Variants in LCORL observed in about 807,000 individuals in gnomAD.
LCORL encodes the protein ligand dependent nuclear receptor corepressor like.
LCORL carries 41 observed loss-of-function variants against 141.8 expected under a neutral mutation model. That is an observed-to-expected ratio of 0.29 (90% confidence interval 0.23 to 0.38). LCORL has a LOEUF of 0.38. LCORL is among the 10% of genes least tolerant of loss of function. The pLI, the probability that LCORL is intolerant of heterozygous loss-of-function variation, is 1.00. For missense variants in LCORL, 1,759 were observed against 2,035.0 expected, an observed-to-expected ratio of 0.86 and a Z score of 2.61; for synonymous variants, 618 against 694.1, an observed-to-expected ratio of 0.89 and a Z score of 1.72.
chr4:18,012,312 G>C (rs982116214), intron 1 of LCORL, among the ~76,000 whole-genome samples: 6 of 152,208 alleles, frequency 3.9e-5, no homozygotes, highest in African/African-American at 7.2e-5. Flanking sequence ...TGTATTTTAA[G>C]ACGCCTGCAG....
chr4:17,845,558 T>TA (rs3214284), exon 8 of LCORL: 126 of 454,708 alleles, frequency 2.8e-4, no homozygotes, highest in East Asian at 1.7e-3. Context: ...GTAAAACATG[T>TA]AAAAAAAACA....
intron 4 of LCORL, among the ~76,000 whole-genome samples, chr4:17,937,164 T>C (rs1209359413): frequency 1.3e-5 from 2 of 152,204 alleles, no homozygotes; most frequent in Non-Finnish European, 2.9e-5. Context: ...AAAATAACAC[T>C]GCTCTGGGTT....
At position 17,884,209 on chromosome 4, in the gene LCORL, G is replaced by C. The variant is rs753356276; in HGVS notation, c.776+1859C>G. The C allele has an allele frequency of 3.2e-6, 5 of 1,549,690 alleles. No homozygotes were observed. Among genetic ancestry groups the C allele is most frequent in the Non-Finnish European group, 4.4e-6 (5 of 1,146,060 alleles). ...ATCCTTCTAGGACTGAAGAGGTTTT[G>C]GAAACTTGATACATAACATCCAACA... On this transcript the variant is annotated intron_variant, in intron 6 of 7. Transcript: ENST00000635767. This position sits in a 1 kb window ranked among gnomAD's most constrained non-coding sequence, Gnocchi z 4.4.
At chr4:17,925,876 C>A (rs1735040136) in intron 4 of LCORL, among the ~76,000 whole-genome samples, 1 of 55,830 alleles carries the variant, frequency 1.8e-5, no homozygotes. Flanking sequence ...GAGATTCCAT[C>A]TCAAAAAAAA....
In LCORL at chr4:18,021,656, C is replaced by T; in HGVS notation, c.96G>A (p.Glu32=). Residue 32 remains glutamate (E), a synonymous_variant, in exon 1 of 8, where the codon GAG becomes GAA. Coordinates refer to ENST00000635767, the Ensembl canonical transcript of LCORL. The surrounding 1 kb of genome is among the most constrained non-coding windows in gnomAD (Gnocchi z 5.5). The stretch of plus-strand genomic sequence containing the variant: ...CGAGTTCCCGCCGGAATCCTCTTCT[C>T]TCCGCCGCGCACCGAGGGCTCCGGC... 1 of 1,546,106 alleles carries T rather than the reference C, an allele frequency of 6.5e-7. No homozygotes were observed.
chr4:17,982,099 C>CGTGTGTGTGT (rs57094203), intron 1 of LCORL, among the ~76,000 whole-genome samples: 2,167 of 136,518 alleles, frequency 0.016, 36 homozygotes, highest in East Asian at 0.038. Flanking sequence ...AGTATTCCAT[C>CGTGTGTGTGT]GTGTGTGTGT....
chr4:17,912,775 C>G (rs147126326), intron 4 of LCORL: 38 of 419,150 alleles, frequency 9.1e-5, no homozygotes, highest in African/African-American at 6.4e-4. Flanking sequence ...AGCACCAGGC[C>G]CAGGAGTACG....
At chr4:18,019,782 T>G (rs1397795413) in intron 1 of LCORL, among the ~76,000 whole-genome samples, 3 of 152,214 alleles carry the variant, frequency 2.0e-5, no homozygotes, top group African/African-American at 7.2e-5. Flanking sequence ...CATAAGCCAG[T>G]GTTGCAATGC....
chr4:17,926,437 C>T (rs962915626), intron 4 of LCORL, among the ~76,000 whole-genome samples: 5 of 152,176 alleles, frequency 3.3e-5, no homozygotes, highest in Admixed American at 3.3e-4. Flanking sequence ...TTCCTGCCCT[C>T]GAATGTCAAA....
chr4:17,931,640 T>C (rs1736060188), intron 4 of LCORL, among the ~76,000 whole-genome samples: 2 of 152,140 alleles, frequency 1.3e-5, no homozygotes, highest in Non-Finnish European at 1.5e-5. Context: ...GTTATTGATG[T>C]CCATCTTTAT....
At chr4:17,866,312 TA>T (rs1209878490) in intron 7 of LCORL, among the ~76,000 whole-genome samples, 1 of 152,108 alleles carries the variant, frequency 6.6e-6, no homozygotes, top group Non-Finnish European at 1.5e-5. Context: ...CTCCCAAAAT[TA>T]AATTCCTATA....
At chr4:17,950,711 T>C (rs1739582139) in intron 4 of LCORL, among the ~76,000 whole-genome samples, 1 of 152,118 alleles carries the variant, frequency 6.6e-6, no homozygotes, top group African/African-American at 2.4e-5. Context: ...AATGTTGATG[T>C]TTATAAGTGA....
intron 2 of LCORL, among the ~76,000 whole-genome samples, chr4:17,966,495 G>T (rs780415495): frequency 2.6e-5 from 4 of 152,036 alleles, no homozygotes; most frequent in Non-Finnish European, 5.9e-5. Flanking sequence ...ATCTATTAAA[G>T]AAATTAATAA....
chr4:17,940,836 C>T (rs1737833398), intron 4 of LCORL, among the ~76,000 whole-genome samples: 1 of 151,962 alleles, frequency 6.6e-6, no homozygotes, highest in Non-Finnish European at 1.5e-5. Context: ...TTAAGAATCT[C>T]TGAGCTAGAA....
intron 6 of LCORL, chr4:17,883,348 T>G: frequency 3.0e-6 from 3 of 1,010,782 alleles, no homozygotes; most frequent in Non-Finnish European, 3.5e-6. Flanking sequence ...TTCAACTGAA[T>G]GGCTGGAATG....
At chr4:17,890,972 G>A (rs1353219799) in intron 5 of LCORL, among the ~76,000 whole-genome samples, 1 of 151,998 alleles carries the variant, frequency 6.6e-6, no homozygotes, top group African/African-American at 2.4e-5. Flanking sequence ...CCCCTCCAAG[G>A]AAATCATTCT....
At chr4:17,846,363 A>G (rs1195548358) in intron 7 of LCORL, among the ~76,000 whole-genome samples, 1 of 152,166 alleles carries the variant, frequency 6.6e-6, no homozygotes, top group African/African-American at 2.4e-5. Context: ...GCTTATCCTC[A>G]TAGTAAACAA....
At chr4:17,841,251 C>CAGA (rs1722373667) in exon 8 of LCORL, 1 of 151,882 alleles carries the variant, frequency 6.6e-6, no homozygotes, top group South Asian at 2.1e-4. Flanking sequence ...ATGCTTATTA[C>CAGA]AGAAGAATCA....
intron 4 of LCORL, 127 bp downstream of exon 4, chr4:17,961,776 A>G (rs1713835156): frequency 1.5e-6 from 1 of 665,604 alleles, no homozygotes. Flanking sequence ...ATAAAGAAAA[A>G]TTAAGAATAA....
Sources: gnomAD v4.1 joint callset for allele counts (sites outside exome capture counted in the v4.1 genomes callset) on GRCh38, gnomAD v4.1.1 for gene constraint, Gnocchi (gnomAD v3.1) non-coding constraint, MANE v1.5 for transcripts, NCBI Gene and HGNC (gene_info 2026-07-23, HGNC 2026-07-21) for gene names.